Variants in CSNK1G3 observed in about 807,000 individuals in gnomAD.
The protein encoded by CSNK1G3 is casein kinase I isoform gamma-3.
In CSNK1G3, 23 loss-of-function variants were observed where a neutral mutation model predicts 64.3. The ratio of observed to expected loss-of-function variants is 0.36; its 90% confidence interval spans 0.26 to 0.51. The LOEUF is 0.51. Among genes scored for constraint, CSNK1G3 ranks in the 20% least tolerant of loss-of-function variants. CSNK1G3 has a pLI of 0.96. For missense variants in CSNK1G3, 357 were observed against 510.5 expected (o/e 0.70, Z 2.90); for synonymous variants, 158 against 162.2 (o/e 0.97, Z 0.20).
intron 6 of CSNK1G3, among the ~76,000 whole-genome samples, chr5:123,577,034 A>T (rs1488826377): frequency 4.6e-5 from 7 of 152,086 alleles, no homozygotes; most frequent in Non-Finnish European, 1.0e-4. Context: ...TATTGAATGC[A>T]TTATCATTAT....
At chr5:123,526,234 T>A (rs1047130123) in intron 1 of CSNK1G3, among the ~76,000 whole-genome samples, 3 of 151,788 alleles carry the variant, frequency 2.0e-5, no homozygotes, top group African/African-American at 7.3e-5. Flanking sequence ...TATTATTATT[T>A]TTTTGTAGAC....
chr5:123,555,709 T>C (rs1350196769), intron 3 of CSNK1G3, among the ~76,000 whole-genome samples: 1 of 152,180 alleles, frequency 6.6e-6, no homozygotes, highest in Non-Finnish European at 1.5e-5. Context: ...GTGACTTTTA[T>C]TATATAGTGT....
chr5:123,595,170 A>C, intron 10 of CSNK1G3, 36 bp downstream of exon 11: 1 of 1,578,428 alleles, frequency 6.3e-7, no homozygotes, highest in Non-Finnish European at 8.7e-7. Context: ...ATTATTACCC[A>C]GATTTATACA....
intron 4 of CSNK1G3, among the ~76,000 whole-genome samples, chr5:123,559,203 C>A (rs1240955944): frequency 6.6e-6 from 1 of 151,652 alleles, no homozygotes; most frequent in Non-Finnish European, 1.5e-5. Context: ...GAGGTGATTG[C>A]CTACTGGGAA....
At chr5:123,608,844 G>C (rs1368314559) in intron 12 of CSNK1G3, among the ~76,000 whole-genome samples, 2 of 152,088 alleles carry the variant, frequency 1.3e-5, no homozygotes, top group African/African-American at 2.4e-5. Flanking sequence ...GAGCAGCCAG[G>C]GTTAAGGATC....
chr5:123,583,533 T>G (rs1044906580), intron 6 of CSNK1G3, among the ~76,000 whole-genome samples: 1 of 152,206 alleles, frequency 6.6e-6, no homozygotes. Context: ...GCTAATTTTT[T>G]TTGTATTTTT....
intron 12 of CSNK1G3, among the ~76,000 whole-genome samples, chr5:123,611,908 G>A (rs1221287943): frequency 6.6e-6 from 1 of 152,060 alleles, no homozygotes; most frequent in Non-Finnish European, 1.5e-5. Context: ...AAATTTAAAG[G>A]TTCATTTGGA....
intron 4 of CSNK1G3, among the ~76,000 whole-genome samples, chr5:123,567,912 A>C (rs1287298602): frequency 6.6e-6 from 1 of 152,198 alleles, no homozygotes; most frequent in Non-Finnish European, 1.5e-5. Flanking sequence ...GTAGCATAAA[A>C]ATTAGTGCTT....
chr5:123,544,794 G>A (rs905550019), intron 1 of CSNK1G3, among the ~76,000 whole-genome samples: 1 of 152,036 alleles, frequency 6.6e-6, no homozygotes, highest in African/African-American at 2.4e-5. Context: ...TCACAGTCTT[G>A]TGAAATTACA....
intron 1 of CSNK1G3, among the ~76,000 whole-genome samples, chr5:123,538,169 A>G (rs1781135541): frequency 6.6e-6 from 1 of 152,088 alleles, no homozygotes; most frequent in Admixed American, 6.6e-5. Context: ...GTAAACATAC[A>G]TTTTTATTTC....
chr5:123,556,448 T>A (rs1784638699), intron 3 of CSNK1G3, among the ~76,000 whole-genome samples: 1 of 152,040 alleles, frequency 6.6e-6, no homozygotes, highest in South Asian at 2.1e-4. Context: ...ATTGTCCAGG[T>A]GTCTGATCCT....
chr5:123,594,465 C>T (rs1581355907), intron 10 of CSNK1G3, among the ~76,000 whole-genome samples: 1 of 152,272 alleles, frequency 6.6e-6, no homozygotes, highest in Middle Eastern at 3.4e-3. Flanking sequence ...GTCATATTCT[C>T]ATAGTATTCT....
At chr5:123,563,828 GAATA>G (rs1786272244) in intron 4 of CSNK1G3, among the ~76,000 whole-genome samples, 1 of 152,080 alleles carries the variant, frequency 6.6e-6, no homozygotes, top group Admixed American at 6.5e-5. Context: ...AAAGTTAAGT[GAATA>G]AATACTTAGA....
At chr5:123,609,598 A>G (rs1457394684) in intron 12 of CSNK1G3, among the ~76,000 whole-genome samples, 3 of 152,202 alleles carry the variant, frequency 2.0e-5, no homozygotes, top group Non-Finnish European at 4.4e-5. Flanking sequence ...TATAATACAA[A>G]GTGACAGAGA....
chr5:123,545,749 C>A, exon 2 of CSNK1G3: 1 of 1,613,564 alleles, frequency 6.2e-7, no homozygotes, highest in African/African-American at 1.3e-5. Flanking sequence ...ACTCGAGGAA[C>A]TGGGTCTTCA....
At chr5:123,588,483 A>G (rs1791734015) in exon 8 of CSNK1G3, 1 of 1,612,030 alleles carries the variant, frequency 6.2e-7, no homozygotes, top group Admixed American at 1.7e-5. Flanking sequence ...GGGCTACACC[A>G]ATAGAAGTGT....
At chr5:123,585,868 T>C (rs1791230975) in intron 6 of CSNK1G3, among the ~76,000 whole-genome samples, 1 of 152,192 alleles carries the variant, frequency 6.6e-6, no homozygotes, top group Admixed American at 6.5e-5. Context: ...ATAACCCCTT[T>C]GGAAAATCAT....
At chr5:123,574,146 G>C (rs1281928492) in intron 5 of CSNK1G3, among the ~76,000 whole-genome samples, 2 of 152,144 alleles carry the variant, frequency 1.3e-5, no homozygotes, top group African/African-American at 2.4e-5. Context: ...ACCGTGCCGG[G>C]CCAGAAACAT....
intron 10 of CSNK1G3, among the ~76,000 whole-genome samples, chr5:123,600,849 C>A (rs1794371841): frequency 6.6e-6 from 1 of 150,562 alleles, no homozygotes; most frequent in South Asian, 2.1e-4. Context: ...TGCTTGTGGG[C>A]TGTTTTTCCA....
Sources: allele counts gnomAD v4.1 joint callset (sites outside exome capture counted in the v4.1 genomes callset), GRCh38; gene constraint gnomAD v4.1.1; transcripts MANE v1.5; gene names NCBI Gene and HGNC (gene_info 2026-07-23, HGNC 2026-07-21).